The following PRKCA variants were observed in gnomAD, a reference collection of about 807,000 sequenced individuals.
PRKCA encodes protein kinase C alpha.
Under a neutral mutation model 87.0 loss-of-function variants are expected in PRKCA, and 27 were observed. The ratio of observed to expected loss-of-function variants is 0.31; its 90% confidence interval spans 0.23 to 0.43. The LOEUF is 0.43. PRKCA is among the 20% of genes least tolerant of loss of function. PRKCA has a pLI of 1.00. For synonymous variants in PRKCA, 329 were observed against 311.1 expected (o/e 1.06, Z -0.61); for missense variants, 518 against 852.3 (o/e 0.61, Z 4.88).
At chr17:66,454,911 T>C (rs554194591) in intron 2 of PRKCA, among the ~76,000 whole-genome samples, 12 of 152,312 alleles carry the variant, frequency 7.9e-5, no homozygotes, top group African/African-American at 2.6e-4. Context: ...CTCTGTGCAA[T>C]TGTGGGCCCT....
intron 5 of PRKCA, among the ~76,000 whole-genome samples, chr17:66,650,986 G>C (rs1424423890): frequency 6.6e-6 from 1 of 152,204 alleles, no homozygotes; most frequent in African/African-American, 2.4e-5. Flanking sequence ...CTTTGGGGGA[G>C]AATTCAGGCA....
chr17:66,710,506 C>T (rs773004001), intron 8 of PRKCA, among the ~76,000 whole-genome samples: 5 of 152,152 alleles, frequency 3.3e-5, no homozygotes, highest in Non-Finnish European at 7.3e-5. Flanking sequence ...CACTTTCCTT[C>T]CACAAAACAC....
At chr17:66,513,742 A>G (rs903561074) in intron 3 of PRKCA, among the ~76,000 whole-genome samples, 1 of 152,254 alleles carries the variant, frequency 6.6e-6, no homozygotes, top group Non-Finnish European at 1.5e-5. Context: ...AATGATGCTT[A>G]TAAAGACATA....
chr17:66,665,662 C>A (rs1227663815), intron 5 of PRKCA, among the ~76,000 whole-genome samples: 1 of 152,184 alleles, frequency 6.6e-6, no homozygotes, highest in Non-Finnish European at 1.5e-5. Flanking sequence ...TCTCTAAGAA[C>A]AAGCGCAGAG....
At chr17:66,699,562 A>G (rs532461224) in intron 8 of PRKCA, among the ~76,000 whole-genome samples, 2 of 152,328 alleles carry the variant, frequency 1.3e-5, no homozygotes, top group South Asian at 4.1e-4. Flanking sequence ...GAAAAGCCCA[A>G]TGCCTACTGG....
intron 5 of PRKCA, among the ~76,000 whole-genome samples, chr17:66,646,466 T>G (rs201171089): frequency 1.4e-4 from 20 of 139,488 alleles, no homozygotes; most frequent in African/African-American, 5.3e-4. Flanking sequence ...GCACTTGGGG[T>G]CCCTGAGGGA....
intron 16 of PRKCA, among the ~76,000 whole-genome samples, chr17:66,798,671 GTGATGGTGGTGGTGGTGGTGATGGTGA>G (rs1975767288): frequency 1.1e-5 from 1 of 88,478 alleles, no homozygotes; most frequent in Non-Finnish European, 2.4e-5. Flanking sequence ...GGTGGTGGTG[GTGATGGTGGTGGTGGTGGTGATGGTGA>G]TGGTGGTGGT....
intron 2 of PRKCA, among the ~76,000 whole-genome samples, chr17:66,357,478 G>A (rs549553940): frequency 2.0e-4 from 30 of 152,230 alleles, no homozygotes; most frequent in Non-Finnish European, 3.7e-4. Context: ...TTTAGACTTC[G>A]AATGCATTAT....
chr17:66,474,860 A>G (rs146063763), intron 2 of PRKCA, among the ~76,000 whole-genome samples: 8 of 152,294 alleles, frequency 5.3e-5, no homozygotes, highest in African/African-American at 1.9e-4. Context: ...CAGTATTCAC[A>G]TGGAGCAGTT....
intron 3 of PRKCA, among the ~76,000 whole-genome samples, chr17:66,573,878 T>C (rs1969150289): frequency 6.6e-6 from 1 of 152,184 alleles, no homozygotes; most frequent in Non-Finnish European, 1.5e-5. Context: ...TAGTCCCAGC[T>C]CCTCGGGAGG....
At chr17:66,716,734 A>T (rs1288556303) in intron 8 of PRKCA, among the ~76,000 whole-genome samples, 1 of 152,228 alleles carries the variant, frequency 6.6e-6, no homozygotes, top group African/African-American at 2.4e-5. Context: ...ATTATGTGGT[A>T]TGAAAAGAAC....
At chr17:66,749,669 G>A (rs923677868) in intron 13 of PRKCA, among the ~76,000 whole-genome samples, 1 of 152,258 alleles carries the variant, frequency 6.6e-6, no homozygotes, top group Non-Finnish European at 1.5e-5. Context: ...GCCGTGCCTG[G>A]CACTCAGTGT....
chr17:66,518,010 C>G (rs1967025625), intron 3 of PRKCA, among the ~76,000 whole-genome samples: 1 of 151,910 alleles, frequency 6.6e-6, no homozygotes, highest in Admixed American at 6.6e-5. Context: ...TTAAAAATAA[C>G]TTGGTACACA....
intron 3 of PRKCA, among the ~76,000 whole-genome samples, chr17:66,638,109 AATAT>A (rs57070883): frequency 4.5e-4 from 67 of 149,760 alleles, no homozygotes; most frequent in African/African-American, 1.1e-3. Flanking sequence ...TTGTTTCTAA[AATAT>A]ATATATATAT....
chr17:66,480,204 T>C (rs373319610), intron 2 of PRKCA, among the ~76,000 whole-genome samples: 1 of 152,132 alleles, frequency 6.6e-6, no homozygotes, highest in African/African-American at 2.4e-5. Flanking sequence ...CCTAGTTCCT[T>C]TGTCTCGTGT....
At chr17:66,740,404 C>A (rs923685061) in intron 11 of PRKCA, among the ~76,000 whole-genome samples, 1 of 152,108 alleles carries the variant, frequency 6.6e-6, no homozygotes, top group African/African-American at 2.4e-5. Flanking sequence ...AGTGAGGAAA[C>A]CTCGGGGGCA....
At chr17:66,362,467 C>T (rs182895901) in intron 2 of PRKCA, among the ~76,000 whole-genome samples, 4 of 152,274 alleles carry the variant, frequency 2.6e-5, no homozygotes, top group Admixed American at 1.3e-4. Context: ...GCTCAATTGT[C>T]CCACGATTTC....
At chr17:66,469,719 A>G (rs1396332342) in intron 2 of PRKCA, among the ~76,000 whole-genome samples, 3 of 152,212 alleles carry the variant, frequency 2.0e-5, no homozygotes. Context: ...GCTGTCTGCA[A>G]ATACTTAAGC....
intron 2 of PRKCA, among the ~76,000 whole-genome samples, chr17:66,364,615 T>A (rs566125714): frequency 1.3e-4 from 19 of 151,922 alleles, no homozygotes; most frequent in Middle Eastern, 3.2e-3. Context: ...GTGATTGAAG[T>A]AGGGGGAGTG....
Sources: allele counts gnomAD v4.1 joint callset (sites outside exome capture counted in the v4.1 genomes callset), GRCh38; gene constraint gnomAD v4.1.1; transcripts MANE v1.5; gene names NCBI Gene and HGNC (gene_info 2026-07-23, HGNC 2026-07-21).